The following ATP2B2 variants were observed in gnomAD, a reference collection of about 807,000 sequenced individuals.
ATP2B2 encodes ATPase plasma membrane Ca2+ transporting 2, also known as plasma membrane calcium-transporting ATPase 2.
In ATP2B2, 15 loss-of-function variants were observed where a neutral mutation model predicts 120.0. That is an observed-to-expected ratio of 0.12 (90% CI 0.08 to 0.19). The LOEUF (loss-of-function observed/expected upper bound fraction) is 0.19, where lower values mean the gene tolerates loss of function less well. ATP2B2 is among the 10% of genes least tolerant of loss of function. The pLI is 1.00. For synonymous variants in ATP2B2, 694 were observed against 700.3 expected, an observed-to-expected ratio of 0.99 and a Z score of 0.14; for missense variants, 1,045 against 1,719.8, an observed-to-expected ratio of 0.61 and a Z score of 6.94.
chr3:10,592,078 T>C (rs952451714), intron 2 of ATP2B2, among the ~76,000 whole-genome samples: 6 of 152,250 alleles, frequency 3.9e-5, no homozygotes, highest in Middle Eastern at 3.4e-3. Flanking sequence ...ATGTGGAAGG[T>C]TGGGAAGAAG....
intron 2 of ATP2B2, among the ~76,000 whole-genome samples, chr3:10,580,402 C>T (rs2068361222): frequency 6.6e-6 from 1 of 152,114 alleles, no homozygotes; most frequent in Non-Finnish European, 1.5e-5. Flanking sequence ...CCTCAGCACA[C>T]AGAACAGTGT....
intron 3 of ATP2B2, among the ~76,000 whole-genome samples, chr3:10,516,825 G>T (rs555926907): frequency 3.9e-4 from 60 of 152,364 alleles, no homozygotes; most frequent in African/African-American, 1.4e-3. Flanking sequence ...AAATGGAGAT[G>T]ATGGAAGTGT....
chr3:10,423,080 G>A (rs1182813700), intron 2 of ATP2B2, among the ~76,000 whole-genome samples: 1 of 152,178 alleles, frequency 6.6e-6, no homozygotes, highest in Non-Finnish European at 1.5e-5. Flanking sequence ...TGAAGCTGGG[G>A]CCCCTGAGAA....
intron 8 of ATP2B2, among the ~76,000 whole-genome samples, chr3:10,381,508 G>A (rs1485564942): frequency 1.3e-5 from 2 of 152,158 alleles, no homozygotes; most frequent in East Asian, 1.9e-4. Flanking sequence ...GAGTGAACAC[G>A]TGATCAGAAA....
chr3:10,655,633 C>T (rs9834703), intron 1 of ATP2B2, among the ~76,000 whole-genome samples: 33,551 of 151,976 alleles, frequency 0.22, 6,185 homozygotes, highest in African/African-American at 0.5. Flanking sequence ...ACACATCAGT[C>T]GAAGAAGAAC....
At chr3:10,333,106 T>C (rs2060025445) in intron 22 of ATP2B2, among the ~76,000 whole-genome samples, 1 of 152,110 alleles carries the variant, frequency 6.6e-6, no homozygotes, top group African/African-American at 2.4e-5. Flanking sequence ...GCCTGCGATG[T>C]GTTCAGGGGT....
chr3:10,552,530 C>T (rs922833275), intron 2 of ATP2B2, among the ~76,000 whole-genome samples: 2 of 152,244 alleles, frequency 1.3e-5, no homozygotes, highest in Non-Finnish European at 2.9e-5. Flanking sequence ...ATCAGAAAGG[C>T]AATCCAGAAC....
intron 1 of ATP2B2, among the ~76,000 whole-genome samples, chr3:10,669,477 C>T (rs534713546): frequency 4.6e-5 from 7 of 151,844 alleles, no homozygotes; most frequent in South Asian, 2.1e-4. Flanking sequence ...TGGGGCTCAC[C>T]TCTCAACCTC....
intron 15 of ATP2B2, 58 bp downstream of exon 15, chr3:10,350,340 C>T (rs1287957923): frequency 6.2e-7 from 1 of 1,611,200 alleles, no homozygotes; most frequent in African/African-American, 1.3e-5. Flanking sequence ...CAGCACCCTA[C>T]CTCCCAGCTC....
intron 13 of ATP2B2, 92 bp from the exon 14 acceptor site, chr3:10,359,017 A>G: frequency 8.1e-7 from 1 of 1,242,174 alleles, no homozygotes; most frequent in South Asian, 1.3e-5. Context: ...ATGCCCAGCT[A>G]GCTGTGGCTG....
At chr3:10,385,362 T>C (rs1168208505) in intron 7 of ATP2B2, 35 bp from the exon 8 acceptor site, 2 of 1,597,200 alleles carry the variant, frequency 1.3e-6, no homozygotes, top group Non-Finnish European at 1.7e-6. Flanking sequence ...AAATGCAGTG[T>C]CACAATGGAG....
At chr3:10,613,984 G>A (rs1235731846) in intron 2 of ATP2B2, among the ~76,000 whole-genome samples, 5 of 151,874 alleles carry the variant, frequency 3.3e-5, no homozygotes, top group South Asian at 2.1e-4. Flanking sequence ...CCTTTCCCTG[G>A]AATGTTGTTC....
At chr3:10,403,639 C>T (rs906440877) in intron 3 of ATP2B2, among the ~76,000 whole-genome samples, 9 of 152,318 alleles carry the variant, frequency 5.9e-5, no homozygotes, top group African/African-American at 1.2e-4. Flanking sequence ...AAGGAATCTC[C>T]AGCAGCATCG....
At position 10,692,254 on chromosome 3, in the gene ATP2B2, C is replaced by T. The variant is rs113471007; in HGVS notation, c.-460+15661G>A. Reference sequence around the variant, plus strand: ...GGCAGAGTTAACACATAGATGCAGGCATTAGGATCTGCTTTGGCAAAGTGA... The same window carrying T: ...GGCAGAGTTAACACATAGATGCAGGTATTAGGATCTGCTTTGGCAAAGTGA... On this transcript the variant is annotated intron_variant, in intron 1 of 21. Transcript: ENST00000646379. 4.4e-3 allele frequency among the ~76,000 whole-genome samples: 670 copies of T among 152,334 alleles called. 7 individuals are homozygous for T. The highest frequency in any genetic ancestry group is 0.014 in the African/African-American group (564 of 41,570).
chr3:10,583,616 A>C (rs1188482397), intron 2 of ATP2B2, among the ~76,000 whole-genome samples: 1 of 152,142 alleles, frequency 6.6e-6, no homozygotes, highest in African/African-American at 2.4e-5. Flanking sequence ...TTTTAAATAT[A>C]CTTCATGAAC....
intron 1 of ATP2B2, among the ~76,000 whole-genome samples, chr3:10,637,347 T>G (rs964357515): frequency 1.3e-5 from 2 of 152,224 alleles, no homozygotes; most frequent in Non-Finnish European, 2.9e-5. Context: ...CAATAAAAAC[T>G]GACTCAGAAC....
At chr3:10,539,831 C>A (rs1253724920) in intron 2 of ATP2B2, among the ~76,000 whole-genome samples, 2 of 152,148 alleles carry the variant, frequency 1.3e-5, no homozygotes, top group African/African-American at 4.8e-5. Context: ...GACTAAAACA[C>A]CAAAAGCAAT....
At chr3:10,592,613 T>C (rs1485016910) in intron 2 of ATP2B2, among the ~76,000 whole-genome samples, 3 of 152,260 alleles carry the variant, frequency 2.0e-5, no homozygotes, top group Admixed American at 1.3e-4. Context: ...AATGGATCTT[T>C]GTCTTGTAAT....
At position 10,564,533 on chromosome 3, in the gene ATP2B2, T is replaced by A. The variant is rs189701638; in HGVS notation, c.-414-30400A>T. Among the ~76,000 whole-genome samples the A allele has an allele frequency of 5.3e-5, 8 of 152,034 alleles. No homozygotes were observed. In the East Asian group the frequency reaches 1.5e-3, roughly 29 times the overall value. ...ATCTTGTCTCCCCCTGTCTAAAACG[T>A]TCCCTTCCCCTCCCCTCTCCCCTAC... is the stretch of plus-strand genomic sequence containing the variant. On this transcript the variant is annotated intron_variant, in intron 2 of 21. Coordinates refer to the ATP2B2 transcript ENST00000646379.
Sources: gnomAD v4.1 joint callset for allele counts (sites outside exome capture counted in the v4.1 genomes callset) on GRCh38, gnomAD v4.1.1 for gene constraint, MANE v1.5 for transcripts, NCBI Gene and HGNC (gene_info 2026-07-23, HGNC 2026-07-21) for gene names.